SLC8A1: variants seen among roughly 807,000 people sequenced by gnomAD.
SLC8A1 encodes the protein solute carrier family 8 member A1, also known as sodium/calcium exchanger 1.
A neutral mutation model predicts 68.3 loss-of-function variants in SLC8A1; 18 were observed. The ratio of observed to expected loss-of-function variants is 0.26; its 90% CI spans 0.18 to 0.39. SLC8A1 has a LOEUF of 0.39. Ranked by LOEUF, SLC8A1 falls within the 10% of genes least tolerant of loss-of-function variation. SLC8A1 has a pLI of 1.00. For synonymous variants in SLC8A1, 475 were observed against 415.5 expected (o/e 1.14, Z -1.74); for missense variants, 985 against 1,156.7 (o/e 0.85, Z 2.15).
At chr2:40,401,794 T>G (rs1688832476) in intron 2 of SLC8A1, among the ~76,000 whole-genome samples, 1 of 152,078 alleles carries the variant, frequency 6.6e-6, no homozygotes, top group African/African-American at 2.4e-5. Flanking sequence ...ATTTTGGGTG[T>G]GTGGTTATGA....
intron 2 of SLC8A1, among the ~76,000 whole-genome samples, chr2:40,198,405 A>G (rs1165661152): frequency 6.6e-6 from 1 of 151,982 alleles, no homozygotes; most frequent in African/African-American, 2.4e-5. Flanking sequence ...TCACCATTAT[A>G]TATTTATTTA....
At chr2:40,411,645 T>G (rs753962753) in intron 2 of SLC8A1, among the ~76,000 whole-genome samples, 4 of 152,172 alleles carry the variant, frequency 2.6e-5, no homozygotes, top group South Asian at 2.1e-4. Flanking sequence ...GGGGCCTCAT[T>G]AAATAAATTG....
intron 2 of SLC8A1, among the ~76,000 whole-genome samples, chr2:40,256,233 A>C (rs11903986): frequency 6.6e-6 from 1 of 152,156 alleles, no homozygotes; most frequent in Non-Finnish European, 1.5e-5. Flanking sequence ...CACACTCTTA[A>C]GGACACATCA....
chr2:40,143,356 T>C, intron 6 of SLC8A1, among the ~76,000 whole-genome samples: 1 of 152,150 alleles, frequency 6.6e-6, no homozygotes. Flanking sequence ...AAAATGATGG[T>C]AGGATGCCTG....
intron 2 of SLC8A1, among the ~76,000 whole-genome samples, chr2:40,349,582 C>CTA (rs1670417805): frequency 1.3e-5 from 2 of 152,038 alleles, no homozygotes; most frequent in African/African-American, 4.8e-5. Flanking sequence ...GAGTATCTAC[C>CTA]TCACAGGGTT....
exon 2 of SLC8A1, chr2:40,428,919 C>G: frequency 1.2e-6 from 2 of 1,613,808 alleles, no homozygotes; most frequent in Non-Finnish European, 1.7e-6. Flanking sequence ...CATAATCAGA[C>G]CCAGCATTTG....
chr2:40,440,617 T>A (rs568604135), intron 1 of SLC8A1, among the ~76,000 whole-genome samples: 9 of 152,270 alleles, frequency 5.9e-5, no homozygotes, highest in South Asian at 2.1e-4. Context: ...CAGATGTTCA[T>A]TTAAATTACT....
intron 2 of SLC8A1, among the ~76,000 whole-genome samples, chr2:40,206,547 T>C (rs1248985515): frequency 6.6e-6 from 1 of 152,052 alleles, no homozygotes; most frequent in Non-Finnish European, 1.5e-5. Context: ...TAACAACATA[T>C]CTAGGCTGCA....
chr2:40,132,087 G>C (rs1190297417), intron 7 of SLC8A1, among the ~76,000 whole-genome samples: 2 of 151,848 alleles, frequency 1.3e-5, no homozygotes, highest in Admixed American at 6.6e-5. Context: ...TAATCTTACT[G>C]TTGCATGCCT....
chr2:40,385,284 T>G (rs1374990732), intron 2 of SLC8A1, among the ~76,000 whole-genome samples: 1 of 146,430 alleles, frequency 6.8e-6, no homozygotes, highest in African/African-American at 2.8e-5. Context: ...AGGAACAGTT[T>G]TTGAGACATA....
chr2:40,296,038 G>C (rs1199408094), intron 2 of SLC8A1, among the ~76,000 whole-genome samples: 1 of 152,116 alleles, frequency 6.6e-6, no homozygotes, highest in Admixed American at 6.5e-5. Flanking sequence ...ATTGTCTATA[G>C]AGCTTGTTAT....
chr2:40,458,618 C>T (rs773472905), intron 1 of SLC8A1, among the ~76,000 whole-genome samples: 2 of 152,120 alleles, frequency 1.3e-5, no homozygotes, highest in Non-Finnish European at 2.9e-5. Flanking sequence ...TGCCTGGCCA[C>T]CTGCTCTGCG....
At chr2:40,115,552 C>T (rs746900476) in exon 8 of SLC8A1, 5 of 1,614,072 alleles carry the variant, frequency 3.1e-6, no homozygotes, top group South Asian at 2.2e-5. Context: ...ACATTCACCG[C>T]GTTGCTGCCC....
intron 2 of SLC8A1, among the ~76,000 whole-genome samples, chr2:40,363,454 C>T (rs1198160896): frequency 6.6e-6 from 1 of 152,056 alleles, no homozygotes; most frequent in Non-Finnish European, 1.5e-5. Context: ...TCCAAACTCA[C>T]TTGTGGAGCA....
chr2:40,238,639 G>C (rs971331000), intron 2 of SLC8A1, among the ~76,000 whole-genome samples: 1 of 152,086 alleles, frequency 6.6e-6, no homozygotes, highest in Non-Finnish European at 1.5e-5. Context: ...ATCGTCTTCT[G>C]TTTCTTACTG....
intron 2 of SLC8A1, among the ~76,000 whole-genome samples, chr2:40,391,431 A>T (rs556961944): frequency 4.6e-5 from 7 of 152,096 alleles, no homozygotes; most frequent in Admixed American, 2.6e-4. Flanking sequence ...TCCTATTTGA[A>T]GAAAATCCAA....
At chr2:40,482,822 G>C (rs1319677443) in intron 1 of SLC8A1, among the ~76,000 whole-genome samples, 2 of 132,476 alleles carry the variant, frequency 1.5e-5, no homozygotes, top group Admixed American at 1.7e-4. Flanking sequence ...ACGGAATCTC[G>C]CTCTGTAGCC....
chr2:40,192,318 T>A (rs2052026760), intron 2 of SLC8A1, among the ~76,000 whole-genome samples: 1 of 151,602 alleles, frequency 6.6e-6, no homozygotes, highest in African/African-American at 2.4e-5. Context: ...TCTGTGTGAA[T>A]GAAAAAGCAA....
At chr2:40,262,597 A>T (rs1046391228) in intron 2 of SLC8A1, among the ~76,000 whole-genome samples, 17 of 152,242 alleles carry the variant, frequency 1.1e-4, no homozygotes, top group African/African-American at 4.1e-4. Context: ...ATTTTTATAA[A>T]AATAAAACAT....
Sources: gnomAD v4.1 joint callset for allele counts (sites outside exome capture counted in the v4.1 genomes callset) on GRCh38, gnomAD v4.1.1 for gene constraint, MANE v1.5 for transcripts, NCBI Gene and HGNC (gene_info 2026-07-23, HGNC 2026-07-21) for gene names.